Variants in DLGAP2 observed in about 807,000 individuals in gnomAD.
DLGAP2 encodes DLG associated protein 2.
A neutral mutation model predicts 100.3 loss-of-function variants in DLGAP2; 26 were observed. That is an observed-to-expected ratio of 0.26 (90% CI 0.19 to 0.36). The LOEUF (loss-of-function observed/expected upper bound fraction) is 0.36, where lower values mean the gene tolerates loss of function less well. DLGAP2 is among the 10% of genes least tolerant of loss of function. The pLI, the probability that DLGAP2 is intolerant of heterozygous loss-of-function variation, is 1.00. For synonymous variants in DLGAP2, 886 were observed against 630.1 expected, an observed-to-expected ratio of 1.41 and a Z score of -6.08; for missense variants, 1,858 against 1,453.2, an observed-to-expected ratio of 1.28 and a Z score of -4.53.
At chr8:1,448,680 C>T (rs1243462489) in intron 3 of DLGAP2, among the ~76,000 whole-genome samples, 2 of 152,320 alleles carry the variant, frequency 1.3e-5, no homozygotes, top group African/African-American at 2.4e-5. Context: ...TTCTGAGCAA[C>T]TATCTTGAAG....
chr8:1,229,078 G>A (rs985827611), intron 2 of DLGAP2, among the ~76,000 whole-genome samples: 1 of 152,176 alleles, frequency 6.6e-6, no homozygotes, highest in Non-Finnish European at 1.5e-5. Flanking sequence ...CAGCAAGATT[G>A]TAGGATACAA....
intron 2 of DLGAP2, among the ~76,000 whole-genome samples, chr8:1,170,266 G>A (rs1334713920): frequency 1.3e-5 from 2 of 152,144 alleles, no homozygotes; most frequent in African/African-American, 2.4e-5. Context: ...TTTTTGATGT[G>A]CTGCTGGATT....
Position 1,526,468 on chromosome 8 carries a change from A to T in DLGAP2, c.173-22158A>T, listed in dbSNP as rs552440057. 5.9e-5 allele frequency among the ~76,000 whole-genome samples: 9 copies of T among 152,274 alleles called. No homozygotes were observed. The South Asian group carries it at 1.9e-3, about 32-fold the overall frequency. ...AACTTAGACTCCGGAGCCCAGGACC[A>T]TAATCATGGGCAGTGCTGCCTCTTT... On this transcript the variant is annotated intron_variant, in intron 4 of 14. Transcript: ENST00000637795.
At chr8:1,302,810 C>G (rs1025559507) in intron 3 of DLGAP2, among the ~76,000 whole-genome samples, 1 of 152,274 alleles carries the variant, frequency 6.6e-6, no homozygotes, top group Admixed American at 6.5e-5. Context: ...TTCCCCTCGC[C>G]CCAGGAGGCC....
rs916269223 is a variant in DLGAP2 at position 1,501,413 on chromosome 8, C to T, written c.154C>T (p.Pro52Ser). The T allele has an allele frequency of 7.1e-5, 109 of 1,535,630 alleles. No individual in the cohort carries two copies. The highest frequency in any genetic ancestry group is 9.2e-5 in the Non-Finnish European group (106 of 1,146,738). Reference sequence around the variant, plus strand: ...CCAGCCGGGCATCAGCTTTCCGGGGCCGGCAGAGGAGGATCTAGGTAGAGT... The same window carrying T: ...CCAGCCGGGCATCAGCTTTCCGGGGTCGGCAGAGGAGGATCTAGGTAGAGT... Reference protein sequence around the residue: ...LVQPGISFPGPAEEDLDPQYS... With the variant: ...LVQPGISFPGSAEEDLDPQYS... Residue 52 changes from proline to serine, a missense_variant, in exon 4 of 15, where the codon CCG becomes TCG. By Grantham distance (74) the Pro-to-Ser change is moderately conservative. Transcript: ENST00000637795.
intron 1 of DLGAP2, among the ~76,000 whole-genome samples, chr8:875,654 T>C (rs1797676049): frequency 6.6e-6 from 1 of 152,236 alleles, no homozygotes; most frequent in Admixed American, 6.5e-5. Flanking sequence ...AGTATGTCCT[T>C]ATAGCAGTGT....
intron 3 of DLGAP2, among the ~76,000 whole-genome samples, chr8:1,305,861 G>A (rs1262133856): frequency 6.6e-6 from 1 of 152,188 alleles, no homozygotes; most frequent in Non-Finnish European, 1.5e-5. Flanking sequence ...AACAAGGCAA[G>A]TGTGCCCTTG....
intron 12 of DLGAP2, among the ~76,000 whole-genome samples, chr8:1,686,987 A>G (rs183574617): frequency 6.6e-6 from 1 of 152,144 alleles, no homozygotes; most frequent in Non-Finnish European, 1.5e-5. Context: ...GCCCCCAATA[A>G]TATGTACAAC....
Position 1,548,883 on chromosome 8 carries a change from G to C in DLGAP2, c.430G>C (p.Glu144Gln). Residue 144 changes from glutamate (E) to glutamine (Q), a missense_variant, in exon 5 of 15, where the codon GAG (glutamate) becomes CAG (glutamine). Glu to Gln is a conservative substitution (Grantham distance 29). Transcript: ENST00000637795. Reference sequence around the variant, plus strand: ...CTCGCCGCGCAGCTCGGTGCACTCGGAGTGCGTGATGATGCCGGTGGTGCT... The same window carrying C: ...CTCGCCGCGCAGCTCGGTGCACTCGCAGTGCGTGATGATGCCGGTGGTGCT... ...RCSPRSSVHS[E>Q]CVMMPVVLGD... 6.3e-7 allele frequency: 1 copy of C among 1,595,942 alleles called. No homozygotes were observed. The highest frequency in any genetic ancestry group is 8.5e-7 in the Non-Finnish European group (1 of 1,177,598).
intron 2 of DLGAP2, among the ~76,000 whole-genome samples, chr8:1,178,581 T>C (rs191469490): frequency 6.6e-6 from 1 of 151,978 alleles, no homozygotes; most frequent in East Asian, 1.9e-4. Flanking sequence ...GTTAGACATC[T>C]CTCTTTTTTT....
At chr8:1,438,310 C>A (rs1352926493) in intron 3 of DLGAP2, among the ~76,000 whole-genome samples, 1 of 152,178 alleles carries the variant, frequency 6.6e-6, no homozygotes, top group Admixed American at 6.5e-5. Flanking sequence ...AGGGGTCTTT[C>A]CATTACTGAG....
chr8:1,328,553 G>T (rs897880448), intron 3 of DLGAP2, among the ~76,000 whole-genome samples: 1 of 151,270 alleles, frequency 6.6e-6, no homozygotes, highest in African/African-American at 2.4e-5. Flanking sequence ...GTTTCACCAT[G>T]TTGGCCAGGC....
intron 1 of DLGAP2, among the ~76,000 whole-genome samples, chr8:819,382 A>C (rs1259767987): frequency 1.3e-5 from 2 of 152,228 alleles, no homozygotes; most frequent in Non-Finnish European, 2.9e-5. Context: ...GAAACAGGTC[A>C]AGATATGATC....
At chr8:1,500,523 C>G (rs563325219) in intron 3 of DLGAP2, among the ~76,000 whole-genome samples, 1 of 152,278 alleles carries the variant, frequency 6.6e-6, no homozygotes, top group African/African-American at 2.4e-5. Flanking sequence ...TGGTAGAAAC[C>G]AAGGCAGCCT....
chr8:1,440,007 G>C (rs1045602508), intron 3 of DLGAP2, among the ~76,000 whole-genome samples: 1 of 152,194 alleles, frequency 6.6e-6, no homozygotes, highest in Non-Finnish European at 1.5e-5. Context: ...ACTCTAGTAA[G>C]TGATAGAGTG....
intron 1 of DLGAP2, among the ~76,000 whole-genome samples, 173 bp from the exon 2 acceptor site, chr8:907,739 A>C (rs1798409289): frequency 2.0e-5 from 3 of 152,234 alleles, no homozygotes; most frequent in Non-Finnish European, 4.4e-5. Flanking sequence ...TCAATGAAAA[A>C]TGTGTGTCAT....
intron 3 of DLGAP2, among the ~76,000 whole-genome samples, chr8:1,317,667 G>A (rs1252723714): frequency 2.2e-5 from 2 of 89,120 alleles, no homozygotes; most frequent in East Asian, 3.0e-4. Flanking sequence ...AAAATAGAGC[G>A]TGTGCGAGTG....
chr8:1,544,834 GCGATTCTCCTGCAT>G (rs1489955514), intron 4 of DLGAP2, among the ~76,000 whole-genome samples: 4 of 151,684 alleles, frequency 2.6e-5, no homozygotes, highest in Admixed American at 2.6e-4. Flanking sequence ...CCGGGTTCAA[GCGATTCTCCTGCAT>G]CAGCCTCCTG....
At chr8:1,490,805 A>C (rs1799356935) in intron 3 of DLGAP2, among the ~76,000 whole-genome samples, 1 of 151,960 alleles carries the variant, frequency 6.6e-6, no homozygotes, top group Non-Finnish European at 1.5e-5. Context: ...TTAGGGAGGC[A>C]AGATTTAGCC....
Sources: gnomAD v4.1 joint callset for allele counts (sites outside exome capture counted in the v4.1 genomes callset) on GRCh38, gnomAD v4.1.1 for gene constraint, MANE v1.5 for transcripts, NCBI Gene and HGNC (gene_info 2026-07-23, HGNC 2026-07-21) for gene names.